CA10: variants seen among roughly 807,000 people sequenced by gnomAD.
CA10 encodes carbonic anhydrase-related protein 10.
CA10 carries 14 observed loss-of-function variants against 44.2 expected under a neutral mutation model. The ratio of observed to expected loss-of-function variants is 0.32; its 90% CI spans 0.21 to 0.50. The LOEUF (loss-of-function observed/expected upper bound fraction) is 0.50, where lower values mean the gene tolerates loss of function less well. Among genes scored for constraint, CA10 ranks in the 20% least tolerant of loss-of-function variants. CA10 has a pLI of 0.99. For missense variants in CA10, 350 were observed against 409.7 expected, an observed-to-expected ratio of 0.85 and a Z score of 1.26; for synonymous variants, 159 against 141.6, an observed-to-expected ratio of 1.12 and a Z score of -0.87.
In CA10 at chr17:51,840,122, C is replaced by T. The variant is rs555183605; in HGVS notation, c.279+90868G>A. ...GTGTGACCTTGAACTAATCATGTTA[C>T]GCCTCAGGATTTTCACCTGGGAAAG... On this transcript the variant is annotated intron_variant, in intron 3 of 8. Coordinates refer to ENST00000451037, the MANE Select transcript of CA10 (RefSeq NM_020178.5). 1.8e-4 allele frequency among the ~76,000 whole-genome samples: 27 copies of T among 152,266 alleles called. 1 individual carries two copies. The highest frequency in any genetic ancestry group is 6.2e-4 in the South Asian group (3 of 4,830).
chr17:51,714,128 C>T (rs1351574829), intron 4 of CA10, among the ~76,000 whole-genome samples: 1 of 152,146 alleles, frequency 6.6e-6, no homozygotes, highest in Admixed American at 6.5e-5. Flanking sequence ...AGCACTGACA[C>T]CAGTTCCTGA....
intron 4 of CA10, among the ~76,000 whole-genome samples, chr17:51,738,812 G>T (rs1482938656): frequency 3.3e-5 from 5 of 152,270 alleles, no homozygotes; most frequent in Admixed American, 6.5e-5. Context: ...ACCTAAGAAG[G>T]TTTTTTGAAT....
chr17:51,755,988 T>G (rs1389964882), intron 3 of CA10, among the ~76,000 whole-genome samples: 1 of 152,224 alleles, frequency 6.6e-6, no homozygotes, highest in African/African-American at 2.4e-5. Flanking sequence ...AATTGGCACC[T>G]GGGCCCTGTT....
intron 3 of CA10, 149 bp downstream of exon 3, chr17:51,930,841 T>C (rs1982627859): frequency 1.1e-6 from 1 of 900,630 alleles, no homozygotes; most frequent in Non-Finnish European, 1.7e-6. Flanking sequence ...TTTAGACATA[T>C]TTCTATCTAA....
At chr17:52,158,746 G>A (rs1304181199), upstream of CA10, 2 of 152,480 alleles carry the variant, frequency 1.3e-5, no homozygotes, top group African/African-American at 2.4e-5. Flanking sequence ...CTCGCCTACG[G>A]ATCCCTACGC....
At chr17:51,904,207 A>G (rs1436993159) in intron 3 of CA10, among the ~76,000 whole-genome samples, 2 of 151,952 alleles carry the variant, frequency 1.3e-5, no homozygotes, top group Non-Finnish European at 2.9e-5. Context: ...CTTAAAAAAA[A>G]AAAACTCTTA....
At chr17:51,849,233 GTA>G (rs1217693250) in intron 3 of CA10, among the ~76,000 whole-genome samples, 1,214 of 39,698 alleles carry the variant, frequency 0.031, 21 homozygotes, top group East Asian at 0.057. Context: ...ATATGTGTGT[GTA>G]TATATATATA....
At chr17:51,936,860 G>A (rs1400856810) in intron 2 of CA10, among the ~76,000 whole-genome samples, 1 of 152,116 alleles carries the variant, frequency 6.6e-6, no homozygotes, top group Non-Finnish European at 1.5e-5. Context: ...GGGGACATAG[G>A]TTTTTAAGTG....
At position 51,655,079 on chromosome 17, in the gene CA10, G is replaced by A. The variant is rs573428889; in HGVS notation, c.466-1343C>T. ...AGTAACTGTTAAAAAAACAGAAAGG[G>A]ATGATTAATAATTATGATTCTGAAC... On this transcript the variant is annotated intron_variant, in intron 4 of 8. Transcript: ENST00000451037. 4.6e-5 allele frequency among the ~76,000 whole-genome samples: 7 copies of A among 152,170 alleles called. No individual in the cohort carries two copies. In the East Asian group the frequency reaches 7.7e-4, roughly 17 times the overall value.
At chr17:52,031,825 A>G (rs1439151802) in intron 2 of CA10, among the ~76,000 whole-genome samples, 1 of 152,142 alleles carries the variant, frequency 6.6e-6, no homozygotes, top group Non-Finnish European at 1.5e-5. Context: ...CAAATGATGA[A>G]AAAAAGATAC....
chr17:51,861,399 G>A (rs959592347), intron 3 of CA10, among the ~76,000 whole-genome samples: 15 of 151,470 alleles, frequency 9.9e-5, no homozygotes, highest in African/African-American at 2.4e-4. Context: ...GAGAGAGAGA[G>A]AGAAAAAAGA....
chr17:51,774,374 CTG>C (rs1194232859), intron 3 of CA10, among the ~76,000 whole-genome samples: 1 of 151,986 alleles, frequency 6.6e-6, no homozygotes, highest in Non-Finnish European at 1.5e-5. Context: ...CTATTATATT[CTG>C]TGAGTGGGGT....
intron 2 of CA10, among the ~76,000 whole-genome samples, chr17:51,985,991 G>A (rs1330003325): frequency 6.6e-6 from 1 of 151,866 alleles, no homozygotes; most frequent in Non-Finnish European, 1.5e-5. Context: ...TACAGAACTA[G>A]AAAAAACAAT....
At chr17:52,136,936 G>A (rs1989372965) in intron 1 of CA10, among the ~76,000 whole-genome samples, 1 of 152,122 alleles carries the variant, frequency 6.6e-6, no homozygotes, top group Non-Finnish European at 1.5e-5. Context: ...AAAATAATGT[G>A]ATCTTTTACT....
intron 3 of CA10, among the ~76,000 whole-genome samples, chr17:51,831,667 A>ACAGCAGCAGCAGCAGCAGC (rs1413563405): frequency 2.5e-4 from 32 of 127,404 alleles, no homozygotes; most frequent in Non-Finnish European, 4.4e-4. Flanking sequence ...AGAAAAGAAA[A>ACAGCAGCAGCAGCAGCAGC]AGCAGCAGCA....
intron 5 of CA10, among the ~76,000 whole-genome samples, chr17:51,652,841 C>T (rs1913626976): frequency 6.6e-6 from 1 of 152,188 alleles, no homozygotes; most frequent in African/African-American, 2.4e-5. Context: ...CTGGCCAAAA[C>T]ATCCCCAGGG....
intron 3 of CA10, among the ~76,000 whole-genome samples, chr17:51,830,195 C>CAAAAAAAA (rs1220410518): frequency 9.2e-4 from 83 of 89,782 alleles, no homozygotes; most frequent in African/African-American, 1.5e-3. Context: ...GACTCCATCT[C>CAAAAAAAA]AAAAAAAAAA....
chr17:51,694,984 C>T (rs1915351532), intron 4 of CA10, among the ~76,000 whole-genome samples: 1 of 152,100 alleles, frequency 6.6e-6, no homozygotes, highest in African/African-American at 2.4e-5. Flanking sequence ...TGGCTTATTT[C>T]TAAGTTCTCT....
chr17:51,714,752 C>A (rs1025520997), intron 4 of CA10, among the ~76,000 whole-genome samples: 3 of 151,870 alleles, frequency 2.0e-5, no homozygotes, highest in African/African-American at 7.3e-5. Flanking sequence ...ATCTGCAGAA[C>A]ACCAATTTTT....
Sources: allele counts gnomAD v4.1 joint callset (sites outside exome capture counted in the v4.1 genomes callset), GRCh38; gene constraint gnomAD v4.1.1; transcripts MANE v1.5; gene names NCBI Gene and HGNC (gene_info 2026-07-23, HGNC 2026-07-21).